ZNF335: variants seen among roughly 807,000 people sequenced by gnomAD.
ZNF335 encodes NRC-interacting factor 1.
A neutral mutation model predicts 145.6 loss-of-function variants in ZNF335; 84 were observed. The observed-to-expected ratio is 0.58, with a 90% CI of 0.48 to 0.69. The LOEUF (loss-of-function observed/expected upper bound fraction) is 0.69, where lower values mean the gene tolerates loss of function less well. ZNF335 is among the 30% of genes least tolerant of loss of function. ZNF335 has a pLI of 0.00. For synonymous variants in ZNF335, 761 were observed against 717.0 expected (o/e 1.06, Z -0.98); for missense variants, 1,865 against 1,809.7 (o/e 1.03, Z -0.55).
intron 14 of ZNF335, among the ~76,000 whole-genome samples, 153 bp from the exon 15 acceptor site, chr20:45,959,586 T>G (rs553966343): frequency 6.6e-6 from 1 of 152,304 alleles, no homozygotes; most frequent in South Asian, 2.1e-4. Flanking sequence ...TCCATTCTGG[T>G]GGCCCAGGAC....
Position 45,952,650 on chromosome 20 carries a change from G to A in ZNF335, c.2762C>T (p.Ala921Val). The change falls in exon 19 of 28, where the codon GCT (alanine) becomes GTT (valine). Residue 921 changes from alanine to valine, a missense_variant. Physicochemically the swap from Ala to Val is moderately conservative, Grantham distance 64. Coordinates refer to ENST00000322927, the MANE Select transcript of ZNF335 (RefSeq NM_022095.4). Reference sequence around the variant, plus strand: ...AGTAGCCATGATGTAGTGGGTGCCAGCTTCTTTTAGGGTGTCACTCACAAC... The same window carrying A: ...AGTAGCCATGATGTAGTGGGTGCCAACTTCTTTTAGGGTGTCACTCACAAC... ...AVVVSDTLKE[A>V]GTHYIMATDG... is the part of the protein sequence containing the mutation. 6.2e-7 allele frequency: 1 copy of A among 1,613,886 alleles called. No homozygotes were observed. Among genetic ancestry groups the A allele is most frequent in the South Asian group, 1.1e-5 (1 of 91,086 alleles).
Position 45,950,547 on chromosome 20 carries a change from A to G in ZNF335, c.3238T>C (p.Cys1080Arg). 1 of 1,614,164 alleles carries G rather than the reference A, an allele frequency of 6.2e-7. No individual in the cohort carries two copies. Among genetic ancestry groups the G allele is most frequent in the Non-Finnish European group, 8.5e-7 (1 of 1,180,024 alleles). Reference sequence around the variant, plus strand: ...TTCTTGTTCTTGGAGGCAAAGCTGCACTGGCTACACTGGTGGGGCCGTAGG... The same window carrying G: ...TTCTTGTTCTTGGAGGCAAAGCTGCGCTGGCTACACTGGTGGGGCCGTAGG... Reference protein sequence around the residue: ...SSLRPHQCSQCSFASKNKKDL... With the variant: ...SSLRPHQCSQRSFASKNKKDL... Residue 1080 changes from cysteine to arginine, a missense_variant, in exon 21 of 28, where the codon TGC becomes CGC. Transcript: ENST00000322927.
At chr20:45,965,538 C>T (rs1457967151) in intron 7 of ZNF335, 90 bp downstream of exon 7, 1 of 1,466,088 alleles carries the variant, frequency 6.8e-7, no homozygotes, top group Non-Finnish European at 9.1e-7. Context: ...CTGCAGGGCA[C>T]ACTCAGTCCC....
chr20:45,972,010 C>T (rs2084082283), intron 1 of ZNF335, 112 bp downstream of exon 1: 1 of 1,216,120 alleles, frequency 8.2e-7, no homozygotes, highest in Non-Finnish European at 1.1e-6. Context: ...GACCCCGGGG[C>T]CCTGTTCGGA....
At chr20:45,972,039 A>T in intron 1 of ZNF335, 83 bp downstream of exon 1, 1 of 1,250,810 alleles carries the variant, frequency 8.0e-7, no homozygotes, top group African/African-American at 1.6e-5. Flanking sequence ...CCGGCCTGGG[A>T]CCTCGCCTCC....
In ZNF335 at chr20:45,949,355, G is replaced by C; in HGVS notation, c.3797C>G (p.Ala1266Gly). The C allele has an allele frequency of 6.2e-7, 1 of 1,614,162 alleles. No individual in the cohort carries two copies. Among genetic ancestry groups the C allele is most frequent in the Non-Finnish European group, 8.5e-7 (1 of 1,180,030 alleles). ...QITHIQYEQGAPFLQESQIQY... is the reference protein window; with the variant it reads ...QITHIQYEQGGPFLQESQIQY... ...TACCTGGGACTCCTGAAGGAACGGGGCTCCTTGTTCATACTGGATGTGTGT... is the reference window on the plus strand; with the variant it reads ...TACCTGGGACTCCTGAAGGAACGGGCCTCCTTGTTCATACTGGATGTGTGT... The change falls in exon 26 of 28, where the codon GCC (alanine) becomes GGC (glycine). Residue 1266 changes from alanine to glycine, a missense_variant. Coordinates refer to ENST00000322927, the MANE Select transcript of ZNF335 (RefSeq NM_022095.4).
At chr20:45,962,021 C>A in intron 10 of ZNF335, 49 bp downstream of exon 10, 1 of 1,208,808 alleles carries the variant, frequency 8.3e-7, no homozygotes, top group South Asian at 1.2e-5. Context: ...TCCACTTCCC[C>A]ACCCAACCTG....
chr20:45,957,741 C>G, intron 16 of ZNF335, 61 bp from the exon 17 acceptor site: 13 of 1,605,146 alleles, frequency 8.1e-6, no homozygotes, highest in Non-Finnish European at 9.4e-6. Context: ...AATACCACCC[C>G]CTCCCCATCT....
At chr20:45,957,180 T>C (rs190827739) in intron 17 of ZNF335, among the ~76,000 whole-genome samples, 1 of 152,234 alleles carries the variant, frequency 6.6e-6, no homozygotes, top group East Asian at 1.9e-4. Flanking sequence ...GAGGAAGCCC[T>C]GGGGTCTGCA....
chr20:45,952,246 G>A lies in ZNF335; in HGVS notation c.3090C>T (p.Gly1030=), dbSNP rs780607926. The change falls in exon 20 of 28, where the codon GGC becomes GGT. Residue 1030 remains glycine, a synonymous_variant. Transcript: ENST00000322927. ...GCTTGTGACTCTCCATCTCAGCTCG[G>A]CCAGGGAAGGCCTCGGCACAGATCT... ...SCKICAEAFP[G]RAEMESHKRA... 6.2e-7 allele frequency: 1 copy of A among 1,613,328 alleles called. No individual in the cohort carries two copies. Among genetic ancestry groups the A allele is most frequent in the Admixed American group, 1.7e-5 (1 of 60,010 alleles).
In ZNF335 at chr20:45,972,175, AT is replaced by A. The variant is rs755298225; in HGVS notation, c.-105del. 3.9e-6 allele frequency: 5 copies of A among 1,289,262 alleles called. No homozygotes were observed. In the African/African-American group the frequency reaches 7.6e-5, roughly 20 times the overall value. The allele number at this position is 1,289,262 out of a possible 1,614,324, so 79.9% of individuals were successfully genotyped here. A position where few individuals can be genotyped will look rare whatever the true frequency, so the allele number is the denominator to read the frequency against. ...TGACTCCGGCATCGACGAGGTCGCC[AT>A]CCTCTTTCCTCCGCTGCGGAGGAAC... On this transcript the variant is annotated 5_prime_UTR_variant, in exon 1 of 28. It removes an upstream start codon present in the reference 5' UTR. Transcript: ENST00000322927.
chr20:45,954,028 G>A, intron 17 of ZNF335, 80 bp from the exon 18 acceptor site: 2 of 1,470,912 alleles, frequency 1.4e-6, no homozygotes, highest in East Asian at 2.5e-5. Context: ...CCATCTCAGT[G>A]TCCCAGATGC....
rs147610989 is a variant in ZNF335, at chr20:45,959,043, C to T, written c.2253+158G>A. 3.2e-3 allele frequency among the ~76,000 whole-genome samples: 484 copies of T among 152,296 alleles called. 2 individuals carry two copies. Among genetic ancestry groups the T allele is most frequent in the Middle Eastern group, 0.017 (5 of 292 alleles). On this transcript the variant is annotated intron_variant, in intron 15 of 27. Coordinates refer to ENST00000322927, the MANE Select transcript of ZNF335 (RefSeq NM_022095.4). ...CTATTACCAGCACTAGAAAGCCACCCTTACTCTAAGCTTAGGGCTGGCATA... is the reference window on the plus strand; with the variant it reads ...CTATTACCAGCACTAGAAAGCCACCTTTACTCTAAGCTTAGGGCTGGCATA...
At position 45,970,550 on chromosome 20, in the gene ZNF335, C is replaced by T. The variant is rs550197700; in HGVS notation, c.201+660G>A. On this transcript the variant is annotated intron_variant, in intron 2 of 27. Coordinates refer to ENST00000322927, the MANE Select transcript of ZNF335 (RefSeq NM_022095.4). ...GGAAACAGAGCTAGATGTTGGGTAG[C>T]TTGCTCAAGATCACACGGCTAGGAA... Among the ~76,000 whole-genome samples, 337 of 152,242 alleles carry T rather than the reference C, an allele frequency of 2.2e-3. 4 individuals are homozygous for T. Among genetic ancestry groups the T allele is most frequent in the Non-Finnish European group, 3.1e-3 (210 of 68,024 alleles).
At chr20:45,955,575 T>A (rs2083714620) in intron 17 of ZNF335, among the ~76,000 whole-genome samples, 1 of 151,900 alleles carries the variant, frequency 6.6e-6, no homozygotes, top group Non-Finnish European at 1.5e-5. Flanking sequence ...TCCTGGCACT[T>A]TGGGAGGCCA....
At chr20:45,971,956 C>T in intron 1 of ZNF335, 166 bp downstream of exon 1, 3 of 985,448 alleles carry the variant, frequency 3.0e-6, no homozygotes, top group Non-Finnish European at 3.6e-6. Flanking sequence ...GTGGTGGCGC[C>T]GGGTTTCCGC....
Position 45,960,190 on chromosome 20 carries a change from G to C in ZNF335, c.2020+18C>G, listed in dbSNP as rs2083811527. 3 of 1,613,252 alleles carry C rather than the reference G, an allele frequency of 1.9e-6. No homozygotes were observed. Among genetic ancestry groups the C allele is most frequent in the Non-Finnish European group, 2.5e-6 (3 of 1,179,856 alleles). ...CACTGAGGGCTGGTGAGTGGGGCTGGGGTGTGTCCAGCCTGACCTGTGTGC... is the reference window on the plus strand; with the variant it reads ...CACTGAGGGCTGGTGAGTGGGGCTGCGGTGTGTCCAGCCTGACCTGTGTGC... On this transcript the variant is annotated intron_variant, in intron 14 of 27. Transcript: ENST00000322927.
chr20:45,971,215 AACGGCTGCC>A lies in ZNF335; in HGVS notation c.187_195del (p.Gly63_Arg65del). On this transcript the variant is annotated inframe_deletion, in exon 2 of 28. Coordinates refer to ENST00000322927, the MANE Select transcript of ZNF335 (RefSeq NM_022095.4). ...CCGTCCAGCCGGGTCCATACCTGAGAACGGCTGCCGCGGTCCGAGCTTTGCCCCACGCCA... is the reference window on the plus strand; with the variant it reads ...CCGTCCAGCCGGGTCCATACCTGAGAGCGGTCCGAGCTTTGCCCCACGCCA... The A allele has an allele frequency of 6.5e-7, 1 of 1,538,834 alleles. No individual in the cohort carries two copies. Among genetic ancestry groups the A allele is most frequent in the Non-Finnish European group, 8.7e-7 (1 of 1,144,806 alleles).
In ZNF335 at chr20:45,960,982, C is replaced by G. The variant is rs145830710; in HGVS notation, c.1647-100G>C. 706 of 1,493,894 alleles carry G rather than the reference C, an allele frequency of 4.7e-4. 2 individuals are homozygous for G. The African/African-American group carries it at 8.8e-3, about 19-fold the overall frequency. 92.5% of individuals were successfully genotyped at this position (1,493,894 alleles called of 1,614,324 possible). A position where few individuals can be genotyped will look rare whatever the true frequency, so the allele number is the denominator to read the frequency against. On this transcript the variant is annotated intron_variant, in intron 10 of 27. Coordinates refer to ENST00000322927, the MANE Select transcript of ZNF335 (RefSeq NM_022095.4). The stretch of plus-strand genomic sequence containing the variant: ...CCAGCCTCAGCTATGAGCCTACTCC[C>G]TGCCAAGGCCCCTTTCTCTTAGAAT...
Sources: gnomAD v4.1 joint callset for allele counts (sites outside exome capture counted in the v4.1 genomes callset) on GRCh38, gnomAD v4.1.1 for gene constraint, MANE v1.5 for transcripts, NCBI Gene and HGNC (gene_info 2026-07-23, HGNC 2026-07-21) for gene names.